The following SCAPER variants were observed in gnomAD, a reference collection of about 807,000 sequenced individuals.
The protein encoded by SCAPER is S-phase cyclin A associated protein in the ER, also known as S phase cyclin A-associated protein in the endoplasmic reticulum.
A neutral mutation model predicts 182.2 loss-of-function variants in SCAPER; 98 were observed. The observed-to-expected ratio is 0.54, with a 90% confidence interval of 0.46 to 0.64. The LOEUF (loss-of-function observed/expected upper bound fraction) is 0.64. Ranked by LOEUF, SCAPER falls within the 30% of genes least tolerant of loss-of-function variation. SCAPER has a pLI of 0.00. For missense variants in SCAPER, 1,432 were observed against 1,690.0 expected, an observed-to-expected ratio of 0.85 and a Z score of 2.68; for synonymous variants, 605 against 564.6, an observed-to-expected ratio of 1.07 and a Z score of -1.01.
chr15:76,411,029 A>C (rs2045252122), intron 26 of SCAPER, among the ~76,000 whole-genome samples: 1 of 152,170 alleles, frequency 6.6e-6, no homozygotes, highest in Non-Finnish European at 1.5e-5. Context: ...AAGACCATAT[A>C]AATCTACATA....
chr15:76,587,081 T>C (rs2048721277), intron 22 of SCAPER, among the ~76,000 whole-genome samples: 1 of 152,194 alleles, frequency 6.6e-6, no homozygotes, highest in Non-Finnish European at 1.5e-5. Flanking sequence ...CTAGGTTTTC[T>C]AGTTTATGAA....
At chr15:76,695,078 A>G (rs2058581493) in intron 20 of SCAPER, among the ~76,000 whole-genome samples, 1 of 152,174 alleles carries the variant, frequency 6.6e-6, no homozygotes, top group African/African-American at 2.4e-5. Flanking sequence ...TAAAACTGCA[A>G]ATTAGAAAGT....
intron 22 of SCAPER, among the ~76,000 whole-genome samples, chr15:76,604,392 T>G (rs1198277213): frequency 9.1e-5 from 11 of 120,356 alleles, no homozygotes; most frequent in African/African-American, 2.8e-4. Flanking sequence ...ATATCTCTGT[T>G]TCGGTACCAG....
At chr15:76,739,010 A>G (rs2061419986) in intron 15 of SCAPER, among the ~76,000 whole-genome samples, 1 of 152,104 alleles carries the variant, frequency 6.6e-6, no homozygotes, top group South Asian at 2.1e-4. Flanking sequence ...CTGTACAGAC[A>G]TTTTTTCTTG....
At chr15:76,397,494 T>TC (rs1290165981) in intron 27 of SCAPER, among the ~76,000 whole-genome samples, 2 of 147,012 alleles carry the variant, frequency 1.4e-5, no homozygotes, top group Admixed American at 1.4e-4. Context: ...TTTTTTTTTT[T>TC]TTTGAGACGG....
At chr15:76,685,042 A>G (rs1467197539) in intron 20 of SCAPER, among the ~76,000 whole-genome samples, 3 of 152,088 alleles carry the variant, frequency 2.0e-5, no homozygotes, top group Non-Finnish European at 4.4e-5. Context: ...ATAATATACC[A>G]GTAATGAATT....
At position 76,608,366 on chromosome 15, in the gene SCAPER, G is replaced by A. The variant is rs375029583; in HGVS notation, c.2711+13398C>T. 2.8e-4 allele frequency among the ~76,000 whole-genome samples: 43 copies of A among 152,298 alleles called. 1 individual carries two copies. In the South Asian group the frequency reaches 5.8e-3, roughly 21 times the overall value. On this transcript the variant is annotated intron_variant, in intron 22 of 31. Coordinates refer to ENST00000563290, the MANE Select transcript of SCAPER (RefSeq NM_020843.4). Reference sequence around the variant, plus strand: ...GAACCGCAAATGCTGCTGCCTGATCGTTCCTCTGGAAGTTTTGTCTCAGAG... The same window carrying A: ...GAACCGCAAATGCTGCTGCCTGATCATTCCTCTGGAAGTTTTGTCTCAGAG...
intron 22 of SCAPER, among the ~76,000 whole-genome samples, chr15:76,578,173 G>A (rs1390534038): frequency 6.6e-6 from 1 of 152,116 alleles, no homozygotes; most frequent in Non-Finnish European, 1.5e-5. Context: ...TTGGGTGTCA[G>A]CTCAACCACA....
At chr15:76,568,657 A>C (rs1486335793) in intron 23 of SCAPER, among the ~76,000 whole-genome samples, 1 of 152,128 alleles carries the variant, frequency 6.6e-6, no homozygotes, top group East Asian at 1.9e-4. Flanking sequence ...AGGGTTTTGC[A>C]TACTGTTTCA....
intron 20 of SCAPER, among the ~76,000 whole-genome samples, chr15:76,691,037 T>G (rs1000032759): frequency 2.6e-5 from 4 of 151,976 alleles, no homozygotes; most frequent in African/African-American, 9.7e-5. Flanking sequence ...TGCAATGAGG[T>G]CCTAGTCAAT....
chr15:76,846,763 A>G (rs1046256769), intron 4 of SCAPER, among the ~76,000 whole-genome samples: 3 of 152,196 alleles, frequency 2.0e-5, no homozygotes, highest in African/African-American at 7.2e-5. Flanking sequence ...GGGAATGTAA[A>G]TTAGTATAAC....
chr15:76,696,263 G>A (rs1028906055), intron 20 of SCAPER, among the ~76,000 whole-genome samples: 2 of 152,080 alleles, frequency 1.3e-5, no homozygotes, highest in African/African-American at 4.8e-5. Context: ...TAAATACAGT[G>A]ATGTCTTTAT....
intron 17 of SCAPER, among the ~76,000 whole-genome samples, chr15:76,717,585 C>A (rs1017399301): frequency 6.6e-6 from 1 of 151,992 alleles, no homozygotes; most frequent in Non-Finnish European, 1.5e-5. Flanking sequence ...AAATTGTTAT[C>A]AACTTAAAAC....
rs549243043 is a variant in SCAPER, at chr15:76,698,782, T to C, written c.2508+2976A>G. On this transcript the variant is annotated intron_variant, in intron 20 of 31. Coordinates refer to ENST00000563290, the MANE Select transcript of SCAPER (RefSeq NM_020843.4). ...GTTCCATATGAATTTTAGAATAGTT[T>C]TTTCTAATTCTGTGAAGAATGTCAT... Among the ~76,000 whole-genome samples the C allele has an allele frequency of 2.6e-5, 4 of 152,324 alleles. No homozygotes were observed. In the South Asian group the frequency reaches 8.3e-4, roughly 32 times the overall value.
At chr15:76,834,768 G>A (rs2151735374) in intron 5 of SCAPER, among the ~76,000 whole-genome samples, 1 of 152,112 alleles carries the variant, frequency 6.6e-6, no homozygotes, top group South Asian at 2.1e-4. Flanking sequence ...GACTATTAGA[G>A]ACACTTCTGT....
At chr15:76,900,199 G>A (rs2074696232) in intron 1 of SCAPER, among the ~76,000 whole-genome samples, 1 of 151,888 alleles carries the variant, frequency 6.6e-6, no homozygotes, top group African/African-American at 2.4e-5. Flanking sequence ...ACACAAACAG[G>A]GCCGAAGGCC....
chr15:76,654,981 C>G (rs1403787780), intron 21 of SCAPER, among the ~76,000 whole-genome samples: 1 of 152,230 alleles, frequency 6.6e-6, no homozygotes, highest in Non-Finnish European at 1.5e-5. Flanking sequence ...ACTACGGTAT[C>G]TCAAAGCCAG....
chr15:76,506,887 A>G (rs1170579363), intron 23 of SCAPER, among the ~76,000 whole-genome samples: 1 of 152,152 alleles, frequency 6.6e-6, no homozygotes, highest in Non-Finnish European at 1.5e-5. Flanking sequence ...TTTCTATGCA[A>G]TTTACGATCT....
At chr15:76,663,619 G>A (rs1307958394) in intron 21 of SCAPER, among the ~76,000 whole-genome samples, 3 of 151,628 alleles carry the variant, frequency 2.0e-5, no homozygotes, top group Admixed American at 2.0e-4. Flanking sequence ...GCAAAAGAGT[G>A]GATGTCATTT....
Sources: gnomAD v4.1 joint callset for allele counts (sites outside exome capture counted in the v4.1 genomes callset) on GRCh38, gnomAD v4.1.1 for gene constraint, MANE v1.5 for transcripts, NCBI Gene and HGNC (gene_info 2026-07-23, HGNC 2026-07-21) for gene names.